CCN6: variants seen among roughly 807,000 people sequenced by gnomAD.
The protein encoded by CCN6 is CCN family member 6.
CCN6 carries 31 observed loss-of-function variants against 37.4 expected under a neutral mutation model. The observed-to-expected ratio is 0.83, with a 90% CI of 0.62 to 1.12. The LOEUF (loss-of-function observed/expected upper bound fraction) is 1.12. Among genes scored for constraint, CCN6 ranks in the 50% most tolerant of loss-of-function variants. The probability of loss-of-function intolerance (pLI) is 0.00; values close to 1 mark genes in which losing one functional copy is unlikely to be tolerated. For missense variants in CCN6, 369 were observed against 413.8 expected, an observed-to-expected ratio of 0.89 and a Z score of 0.94; for synonymous variants, 137 against 142.1, an observed-to-expected ratio of 0.96 and a Z score of 0.26.
chr6:112,054,258 C>T lies in CCN6; in HGVS notation c.-100C>T, dbSNP rs782234436. The T allele has an allele frequency of 2.6e-6, 4 of 1,523,342 alleles. No homozygotes were observed. The highest frequency in any genetic ancestry group is 1.1e-5 in the South Asian group (1 of 89,222). 94.4% of individuals were successfully genotyped at this position (1,523,342 alleles called of 1,614,324 possible). A position where few individuals can be genotyped will look rare whatever the true frequency, so the allele number is the denominator to read the frequency against. On this transcript the variant is annotated 5_prime_UTR_variant, in exon 1 of 5. Coordinates refer to ENST00000368666, the MANE Select transcript of CCN6 (RefSeq NM_198239.2). The stretch of plus-strand genomic sequence containing the variant: ...GGGTGTGTGTTCTTGTGCAGAGGAG[C>T]GTGGGGTTTGCAGAGGAGACAGGGG...
chr6:112,066,972 T>C, intron 3 of CCN6: 2 of 1,366,276 alleles, frequency 1.5e-6, no homozygotes, highest in Non-Finnish European at 2.0e-6. Flanking sequence ...ATTGCAGATG[T>C]GTGCCAAGCT....
At chr6:112,063,899 A>G (rs150238144) in intron 2 of CCN6, among the ~76,000 whole-genome samples, 1 of 152,324 alleles carries the variant, frequency 6.6e-6, no homozygotes, top group African/African-American at 2.4e-5. Context: ...AAAATATTCT[A>G]TGTATATTTC....
Position 112,068,263 on chromosome 6 carries a change from G to A in CCN6, c.648G>A (p.Trp216Ter). ...AATGTCTTGTGCAAGCAACAAAATGGACTCCCTGCTCCAGAACATGTGGGA... is the reference window on the plus strand; with the variant it reads ...AATGTCTTGTGCAAGCAACAAAATGAACTCCCTGCTCCAGAACATGTGGGA... ...KKKCLVQATKWTPCSRTCGMG... is the reference protein window; with the variant it reads ...KKKCLVQATK The change falls in exon 4 of 5, where the codon TGG (tryptophan) becomes TGA (stop). Residue 216 changes from tryptophan to a stop codon, truncating the protein, a stop_gained. Coordinates refer to ENST00000368666, the MANE Select transcript of CCN6 (RefSeq NM_198239.2). LOFTEE classifies it high-confidence loss of function. 1 of 1,610,772 alleles carries A rather than the reference G, an allele frequency of 6.2e-7. No individual in the cohort carries two copies. The highest frequency in any genetic ancestry group is 8.5e-7 in the Non-Finnish European group (1 of 1,179,010).
intron 1 of CCN6, among the ~76,000 whole-genome samples, chr6:112,056,726 A>G (rs1776359228): frequency 6.6e-6 from 1 of 152,202 alleles, no homozygotes; most frequent in African/African-American, 2.4e-5. Context: ...CATGTTGGCC[A>G]GGCTAGTCTT....
At chr6:112,056,387 G>A (rs782500755) in intron 1 of CCN6, among the ~76,000 whole-genome samples, 6 of 150,192 alleles carry the variant, frequency 4.0e-5, no homozygotes, top group Non-Finnish European at 8.9e-5. Context: ...TTTTTTCTCC[G>A]TTTAACATTG....
intron 1 of CCN6, among the ~76,000 whole-genome samples, chr6:112,058,208 C>T (rs782346631): frequency 9.2e-5 from 14 of 152,184 alleles, no homozygotes; most frequent in Non-Finnish European, 1.6e-4. Context: ...CCCATTCTCA[C>T]GTTGTGCATG....
At chr6:112,063,627 T>C (rs113387320) in intron 2 of CCN6, among the ~76,000 whole-genome samples, 2,243 of 152,328 alleles carry the variant, frequency 0.015, 61 homozygotes, top group African/African-American at 0.052. Flanking sequence ...TTCTAATTTT[T>C]CCTTGAAATC....
intron 1 of CCN6, chr6:112,059,990 T>C: frequency 7.3e-7 from 1 of 1,362,116 alleles, no homozygotes; most frequent in Non-Finnish European, 9.8e-7. Flanking sequence ...AGCACAGACC[T>C]AAAGAGAGTA....
chr6:112,069,346 A>G lies in CCN6; in HGVS notation c.791A>G (p.Lys264Arg), dbSNP rs782510104. Reference sequence around the variant, plus strand: ...TTTTATCTATCTTTTCAGATTCCCAAAGGAAAAACATGCCAACCTACTTTC... The same window carrying G: ...TTTTATCTATCTTTTCAGATTCCCAGAGGAAAAACATGCCAACCTACTTTC... ...SNILKTIKIP[K>R]GKTCQPTFQL... Residue 264 changes from lysine (K) to arginine (R), a missense_variant, in exon 5 of 5, where the codon AAA becomes AGA. Lys to Arg is a conservative substitution (Grantham distance 26). Coordinates refer to ENST00000368666, the MANE Select transcript of CCN6 (RefSeq NM_198239.2). 6.2e-7 allele frequency: 1 copy of G among 1,613,112 alleles called. No individual in the cohort carries two copies. The highest frequency in any genetic ancestry group is 1.1e-5 in the South Asian group (1 of 91,054).
intron 1 of CCN6, among the ~76,000 whole-genome samples, chr6:112,060,280 G>A (rs782092174): frequency 2.0e-5 from 3 of 152,184 alleles, no homozygotes; most frequent in Non-Finnish European, 1.5e-5. Flanking sequence ...GAGCAAGGAA[G>A]GTGAACACTC....
chr6:112,058,365 T>G (rs927054887), intron 1 of CCN6, among the ~76,000 whole-genome samples: 4 of 152,208 alleles, frequency 2.6e-5, no homozygotes, highest in Non-Finnish European at 5.9e-5. Flanking sequence ...CAAATGGACT[T>G]AGATCTAGTA....
intron 1 of CCN6, among the ~76,000 whole-genome samples, chr6:112,058,083 A>T (rs1776400926): frequency 6.6e-6 from 1 of 152,184 alleles, no homozygotes. Context: ...TTTTAAGTTT[A>T]AAATTTTTTT....
chr6:112,057,223 G>T (rs182723149), intron 1 of CCN6, among the ~76,000 whole-genome samples: 3 of 152,318 alleles, frequency 2.0e-5, no homozygotes, highest in Admixed American at 1.3e-4. Flanking sequence ...CAAGAGGTAG[G>T]CAGGAGAGGG....
chr6:112,060,246 A>T (rs1583576181), intron 1 of CCN6, among the ~76,000 whole-genome samples: 1 of 152,206 alleles, frequency 6.6e-6, no homozygotes, highest in African/African-American at 2.4e-5. Context: ...TTAAAGAATC[A>T]TTCTGGATGT....
In CCN6 at chr6:112,069,500, T is replaced by A; in HGVS notation, c.945T>A (p.Ile315=). 6.2e-7 allele frequency: 1 copy of A among 1,613,788 alleles called. No homozygotes were observed. Among genetic ancestry groups the A allele is most frequent in the Non-Finnish European group, 8.5e-7 (1 of 1,179,840 alleles). Residue 315 remains isoleucine (I), a synonymous_variant, in exon 5 of 5, where the codon ATT becomes ATA. Coordinates refer to ENST00000368666, the MANE Select transcript of CCN6 (RefSeq NM_198239.2). ...CIPNKSKMIT[I]QFDCPNEGSF... Reference sequence around the variant, plus strand: ...CTAATAAGTCTAAAATGATTACTATTCAATTTGATTGCCCAAATGAGGGGT... The same window carrying A: ...CTAATAAGTCTAAAATGATTACTATACAATTTGATTGCCCAAATGAGGGGT...
intron 1 of CCN6, among the ~76,000 whole-genome samples, chr6:112,056,485 T>C (rs192030545): frequency 9.5e-4 from 145 of 152,212 alleles, no homozygotes; most frequent in African/African-American, 3.3e-3. Context: ...TACTTCTGTA[T>C]GTAATGCTTC....
chr6:112,054,377 C>T lies in CCN6; in HGVS notation c.20C>T (p.Ser7Phe). The change falls in exon 1 of 5, where the codon TCC becomes TTC. Residue 7 changes from serine (S) to phenylalanine (F), a missense_variant. Ser to Phe is a radical substitution (Grantham distance 155). Coordinates refer to ENST00000368666, the MANE Select transcript of CCN6 (RefSeq NM_198239.2). The stretch of plus-strand genomic sequence containing the variant: ...AGCGACATGCAGGGGCTCCTCTTCT[C>T]CACTCTTCTGCTTGCTGGCCTGGCA... MQGLLFSTLLLAGLAQF... is the reference protein window; with the variant it reads MQGLLFFTLLLAGLAQF... The T allele has an allele frequency of 6.2e-7, 1 of 1,613,802 alleles. No individual in the cohort carries two copies. Among genetic ancestry groups the T allele is most frequent in the Non-Finnish European group, 8.5e-7 (1 of 1,179,980 alleles).
rs1554314837 is a variant in CCN6, at chr6:112,069,674, A to G, written c.*54A>G. On this transcript the variant is annotated 3_prime_UTR_variant, in exon 5 of 5. Transcript: ENST00000368666. ...AATCCTGTCATATAATAAAAAAATT[A>G]GTGAGTATAAAATGGTGGCAAATCT... 2.5e-6 allele frequency: 4 copies of G among 1,600,678 alleles called. No homozygotes were observed. Among genetic ancestry groups the G allele is most frequent in the African/African-American group, 2.7e-5 (2 of 74,566 alleles).
Position 112,057,420 on chromosome 6 carries a change from C to T in CCN6, c.48+3015C>T, listed in dbSNP as rs77253113. Among the ~76,000 whole-genome samples, 249 of 152,260 alleles carry T rather than the reference C, an allele frequency of 1.6e-3. 1 individual carries two copies. Among genetic ancestry groups the T allele is most frequent in the African/African-American group, 5.7e-3 (237 of 41,544 alleles). ...AAGGTCAGTCAGGAACTCGTAGTGA[C>T]GGTGCTTACTTAGTAGCAATGAAAT... is the stretch of plus-strand genomic sequence containing the variant. On this transcript the variant is annotated intron_variant, in intron 1 of 4. Transcript: ENST00000368666.
Sources: gnomAD v4.1 joint callset for allele counts (sites outside exome capture counted in the v4.1 genomes callset) on GRCh38, gnomAD v4.1.1 for gene constraint, MANE v1.5 for transcripts, NCBI Gene and HGNC (gene_info 2026-07-23, HGNC 2026-07-21) for gene names.